Variants in FNIP2 observed in about 807,000 individuals in gnomAD.
The protein encoded by FNIP2 is folliculin interacting protein 2.
A neutral mutation model predicts 108.7 loss-of-function variants in FNIP2; 32 were observed. That is an observed-to-expected ratio of 0.29 (90% CI 0.22 to 0.40). FNIP2 has a LOEUF of 0.40. Ranked by LOEUF, FNIP2 falls within the 10% of genes least tolerant of loss-of-function variation. FNIP2 has a pLI of 1.00. For missense variants in FNIP2, 1,202 were observed against 1,381.6 expected (o/e 0.87, Z 2.06); for synonymous variants, 480 against 496.7 (o/e 0.97, Z 0.45).
intron 1 of FNIP2, among the ~76,000 whole-genome samples, chr4:158,815,415 C>T (rs1286853155): frequency 3.5e-5 from 5 of 142,926 alleles, no homozygotes; most frequent in African/African-American, 1.3e-4. Flanking sequence ...CGGAGTCTTG[C>T]TCTCTCGCCC....
Position 158,826,993 on chromosome 4 carries a change from T to G in FNIP2, c.234+951T>G, listed in dbSNP as rs537220333. 3.3e-5 allele frequency among the ~76,000 whole-genome samples: 5 copies of G among 152,374 alleles called. No homozygotes were observed. In the East Asian group the frequency reaches 7.7e-4, roughly 23 times the overall value. ...CATCAGGGCCAAGGGGTTGTTTTCC[T>G]GCTTTTGATAAGGATCATTTCTGCA... is the stretch of plus-strand genomic sequence containing the variant. On this transcript the variant is annotated intron_variant, in intron 2 of 16. Transcript: ENST00000264433.
chr4:158,775,896 T>C (rs1253676656), intron 1 of FNIP2, among the ~76,000 whole-genome samples: 1 of 152,228 alleles, frequency 6.6e-6, no homozygotes, highest in Non-Finnish European at 1.5e-5. Context: ...TGTGCCTTCA[T>C]TTCTAGGAAT....
Position 158,833,532 on chromosome 4 carries a change from C to A in FNIP2, c.559C>A (p.Gln187Lys), listed in dbSNP as rs898877670. The A allele has an allele frequency of 1.3e-6, 2 of 1,587,942 alleles. No homozygotes were observed. Among genetic ancestry groups the A allele is most frequent in the Non-Finnish European group, 1.7e-6 (2 of 1,169,922 alleles). The change falls in exon 6 of 17, where the codon CAA becomes AAA. Residue 187 changes from glutamine (Q) to lysine (K), a missense_variant. Physicochemically the swap from Gln to Lys is moderately conservative, Grantham distance 53. Around this residue, in one of 5 missense-constraint regions of FNIP2, gnomAD observed 878 missense variants for 990.3 expected, o/e 0.89. Transcript: ENST00000264433. ...GSFCGSTNNL[Q>K]DSFEYINQDP... The stretch of plus-strand genomic sequence containing the variant: ...CCCCCCCATCTCCGGATATAGCTTG[C>A]AAGACAGCTTTGAGTACATCAACCA...
At chr4:158,903,015 C>T (rs1164001700) in intron 16 of FNIP2, among the ~76,000 whole-genome samples, 2 of 152,166 alleles carry the variant, frequency 1.3e-5, no homozygotes, top group East Asian at 1.9e-4. Context: ...GCTAGCATTC[C>T]GGGTGCCACT....
intron 2 of FNIP2, among the ~76,000 whole-genome samples, chr4:158,828,261 T>C (rs1233860475): frequency 6.6e-6 from 1 of 152,190 alleles, no homozygotes; most frequent in East Asian, 1.9e-4. Context: ...CCCTTACAAA[T>C]TCAACCTCAT....
chr4:158,830,613 AT>A (rs1370479701), intron 3 of FNIP2, among the ~76,000 whole-genome samples: 30 of 152,108 alleles, frequency 2.0e-4, no homozygotes, highest in Admixed American at 3.9e-4. Context: ...GTAAGTGTGT[AT>A]TTGTGCGTCA....
chr4:158,831,312 G>A (rs1778470062), intron 3 of FNIP2, among the ~76,000 whole-genome samples: 1 of 152,198 alleles, frequency 6.6e-6, no homozygotes, highest in Non-Finnish European at 1.5e-5. Context: ...AAAGGCATGA[G>A]AAAGACTGGT....
chr4:158,817,530 C>T lies in FNIP2; in HGVS notation c.108-8386C>T, dbSNP rs1777642667. 2.0e-5 allele frequency among the ~76,000 whole-genome samples: 3 copies of T among 151,872 alleles called. No homozygotes were observed. The South Asian group carries it at 6.2e-4, about 32-fold the overall frequency. ...CAGACCTTTAGGTATAATTTTAGTC[C>T]CACCCCATTTCCCATTTTTTCTTTT... On this transcript the variant is annotated intron_variant, in intron 1 of 16. Coordinates refer to ENST00000264433, the MANE Select transcript of FNIP2 (RefSeq NM_020840.3).
chr4:158,884,230 A>G (rs1781891788), intron 14 of FNIP2, among the ~76,000 whole-genome samples: 1 of 152,202 alleles, frequency 6.6e-6, no homozygotes, highest in Non-Finnish European at 1.5e-5. Flanking sequence ...CTTAATAGGA[A>G]CTGGGTTGCA....
At chr4:158,858,405 A>G (rs1417939094) in intron 8 of FNIP2, among the ~76,000 whole-genome samples, 1 of 152,224 alleles carries the variant, frequency 6.6e-6, no homozygotes, top group African/African-American at 2.4e-5. Flanking sequence ...CTTACCCCAC[A>G]AGACAAATTA....
chr4:158,794,797 G>A (rs1429272815), intron 1 of FNIP2: 1 of 152,096 alleles, frequency 6.6e-6, no homozygotes, highest in African/African-American at 2.4e-5. Flanking sequence ...CTGTCTCTTT[G>A]AGTTATTTTT....
At chr4:158,842,964 A>G (rs1779208191) in intron 7 of FNIP2, among the ~76,000 whole-genome samples, 1 of 152,192 alleles carries the variant, frequency 6.6e-6, no homozygotes, top group East Asian at 1.9e-4. Flanking sequence ...TTCCTGCTAG[A>G]CAATAATTAC....
chr4:158,788,310 C>T (rs1292726804), intron 1 of FNIP2, among the ~76,000 whole-genome samples: 1 of 152,226 alleles, frequency 6.6e-6, no homozygotes, highest in Non-Finnish European at 1.5e-5. Flanking sequence ...CTGTGCATGA[C>T]TTACTACTCC....
rs1248662911 is a variant in FNIP2 at position 158,838,369 on chromosome 4, TAC to T, written c.727+2894_727+2895del. ...ACAAGTAGCTAGGACTACAGGTACA[TAC>T]CACCACACCTGGCTAATTTTTATAT... On this transcript the variant is annotated intron_variant, in intron 7 of 16. Coordinates refer to ENST00000264433, the MANE Select transcript of FNIP2 (RefSeq NM_020840.3). Among the ~76,000 whole-genome samples the T allele has an allele frequency of 2.6e-5, 4 of 151,202 alleles. No individual in the cohort carries two copies. The East Asian group carries it at 5.9e-4, about 22-fold the overall frequency.
Position 158,906,492 on chromosome 4 carries a change from G to A in FNIP2, c.*1948G>A, listed in dbSNP as rs1309877942. 1 of 152,272 alleles carries A rather than the reference G, an allele frequency of 6.6e-6. No individual in the cohort carries two copies. Among genetic ancestry groups the A allele is most frequent in the South Asian group, 2.1e-4 (1 of 4,828 alleles). 9.4% of individuals were successfully genotyped at this position (152,272 alleles called of 1,614,324 possible). A position where few individuals can be genotyped will look rare whatever the true frequency, so the allele number is the denominator to read the frequency against. ...ATTAGACCCATATAGGGGACACTGA[G>A]CTTTAAATCGTTGATTCTAAACTCT... On this transcript the variant is annotated 3_prime_UTR_variant, in exon 17 of 17. Coordinates refer to ENST00000264433, the MANE Select transcript of FNIP2 (RefSeq NM_020840.3).
intron 2 of FNIP2, 135 bp from the exon 3 acceptor site, chr4:158,828,944 G>T: frequency 1.4e-6 from 1 of 692,428 alleles, no homozygotes; most frequent in Non-Finnish European, 2.3e-6. Context: ...TCATTATTGG[G>T]GAAAAAAAAA....
chr4:158,848,585 A>G (rs1473661214), intron 7 of FNIP2, among the ~76,000 whole-genome samples: 1 of 152,228 alleles, frequency 6.6e-6, no homozygotes, highest in African/African-American at 2.4e-5. Flanking sequence ...ATCTACAAGC[A>G]TAAAGACCAT....
At chr4:158,810,158 C>T (rs1777193231) in intron 1 of FNIP2, among the ~76,000 whole-genome samples, 2 of 152,180 alleles carry the variant, frequency 1.3e-5, no homozygotes, top group Non-Finnish European at 2.9e-5. Context: ...AAGCGTAATG[C>T]AGGTTTGTAG....
intron 10 of FNIP2, among the ~76,000 whole-genome samples, 173 bp from the exon 11 acceptor site, chr4:158,861,168 TG>T (rs1780269620): frequency 6.6e-6 from 1 of 152,236 alleles, no homozygotes; most frequent in Non-Finnish European, 1.5e-5. Context: ...CAAAAAAAGG[TG>T]GCAGTCAGAT....
Sources: allele counts gnomAD v4.1 joint callset (sites outside exome capture counted in the v4.1 genomes callset), GRCh38; gene constraint gnomAD v4.1.1; regional missense constraint gnomAD v4.1.1; transcripts MANE v1.5; gene names NCBI Gene and HGNC (gene_info 2026-07-23, HGNC 2026-07-21).